OTOG: variants seen among roughly 807,000 people sequenced by gnomAD.
OTOG encodes otogelin.
A neutral mutation model predicts 313.8 loss-of-function variants in OTOG; 296 were observed. The observed-to-expected ratio is 0.94, with a 90% CI of 0.86 to 1.04. OTOG has a LOEUF of 1.04. Among genes scored for constraint, OTOG ranks in the 50% least tolerant of loss-of-function variants. The probability of loss-of-function intolerance (pLI) is 0.00; values close to 1 mark genes in which losing one functional copy is unlikely to be tolerated. For missense variants in OTOG, 3,948 were observed against 3,840.1 expected (o/e 1.03, Z -0.74); for synonymous variants, 1,533 against 1,554.9 (o/e 0.99, Z 0.33).
At chr11:17,623,105 T>C (rs1853904053) in intron 39 of OTOG, among the ~76,000 whole-genome samples, 1 of 152,200 alleles carries the variant, frequency 6.6e-6, no homozygotes, top group South Asian at 2.1e-4. Context: ...TGTAAGAACA[T>C]TTTCATATGC....
intron 38 of OTOG, 87 bp from the exon 39 acceptor site, chr11:17,613,525 A>C: frequency 9.0e-7 from 1 of 1,107,676 alleles, no homozygotes; most frequent in South Asian, 1.4e-5. Context: ...GTCAGGGGAG[A>C]CTGTACTCAC....
rs568187725 is a variant in OTOG at position 17,561,653 on chromosome 11, A to C, written c.1499-9A>C. 6.5e-7 allele frequency: 1 copy of C among 1,549,672 alleles called. No homozygotes were observed. The highest frequency in any genetic ancestry group is 1.4e-5 in the African/African-American group (1 of 72,880). ...TCCCATGGGTCAGTGGCCTTTTTCT[A>C]CCTCTCAGCTGAGTGCTCAGTGACT... On this transcript the variant is annotated splice_polypyrimidine_tract_variant and intron_variant, in intron 14 of 55. Transcript: ENST00000399397.
intron 7 of OTOG, among the ~76,000 whole-genome samples, chr11:17,556,863 T>C (rs1218073302): frequency 6.6e-6 from 1 of 152,216 alleles, no homozygotes; most frequent in African/African-American, 2.4e-5. Flanking sequence ...CTATCCTGTC[T>C]GGGAGAAAGG....
At chr11:17,635,560 G>A (rs2133710641) in intron 46 of OTOG, 50 bp from the exon 47 acceptor site, 2 of 1,439,670 alleles carry the variant, frequency 1.4e-6, no homozygotes, top group Non-Finnish European at 1.9e-6. Context: ...CTGTGTGCCA[G>A]GCCCCTATGA....
chr11:17,560,887 C>A, intron 13 of OTOG, 70 bp downstream of exon 13: 1 of 1,354,964 alleles, frequency 7.4e-7, no homozygotes, highest in South Asian at 1.3e-5. Flanking sequence ...GGCTGCCCAT[C>A]TGGGAGCACT....
intron 17 of OTOG, chr11:17,570,738 G>C (rs922455801): frequency 5.1e-6 from 1 of 196,002 alleles, no homozygotes; most frequent in Non-Finnish European, 1.0e-5. Context: ...TTTAGAATGA[G>C]GTCTTAAAAC....
At chr11:17,612,878 C>A in intron 38 of OTOG, 113 bp downstream of exon 38, 3 of 1,267,076 alleles carry the variant, frequency 2.4e-6, no homozygotes, top group Admixed American at 5.2e-5. Context: ...TGGAAGCCCC[C>A]CTGAGCTCCC....
intron 42 of OTOG, 88 bp downstream of exon 42, chr11:17,632,314 A>G: frequency 2.9e-6 from 4 of 1,362,064 alleles, no homozygotes; most frequent in African/African-American, 1.4e-5. Flanking sequence ...CCCCAAGTTC[A>G]TGTATGCTTT....
At position 17,570,408 on chromosome 11, in the gene OTOG, G is replaced by A. The variant is rs1051034737; in HGVS notation, c.1955+18G>A. On this transcript the variant is annotated intron_variant, in intron 17 of 55. Coordinates refer to ENST00000399397, the MANE Select transcript of OTOG (RefSeq NM_001292063.2). ...GACTTCCTGTACGTAGCCCTGCCAC[G>A]GAACCCGAAGAAGAGGGGAAATGGG... 7 of 1,549,082 alleles carry A rather than the reference G, an allele frequency of 4.5e-6. No homozygotes were observed. The highest frequency in any genetic ancestry group is 2.7e-5 in the African/African-American group (2 of 73,014).
intron 15 of OTOG, 129 bp from the exon 16 acceptor site, chr11:17,569,027 G>C: frequency 1.8e-6 from 2 of 1,108,632 alleles, no homozygotes; most frequent in Middle Eastern, 6.0e-4. Context: ...GATATCTTTG[G>C]GGCTCTGTCT....
intron 39 of OTOG, among the ~76,000 whole-genome samples, chr11:17,625,160 C>T (rs1853954038): frequency 6.6e-6 from 1 of 152,118 alleles, no homozygotes; most frequent in Admixed American, 6.6e-5. Context: ...CTTTCTCTTG[C>T]CTGATTGCTC....
At chr11:17,611,530 T>C (rs981996029) in intron 36 of OTOG, 107 bp downstream of exon 36, 1 of 1,174,324 alleles carries the variant, frequency 8.5e-7, no homozygotes, top group Admixed American at 2.9e-5. Flanking sequence ...ACCTGCCCCA[T>C]GCTCCTGGTC....
At chr11:17,635,579 CT>C in intron 46 of OTOG, 30 bp from the exon 47 acceptor site, 1 of 1,516,746 alleles carries the variant, frequency 6.6e-7, no homozygotes, top group Non-Finnish European at 9.0e-7. Flanking sequence ...GAGAGGACTG[CT>C]GTGACAGCAT....
intron 39 of OTOG, among the ~76,000 whole-genome samples, chr11:17,621,614 C>G (rs1022205550): frequency 2.0e-5 from 3 of 152,160 alleles, no homozygotes; most frequent in African/African-American, 7.2e-5. Flanking sequence ...CTCTCTCTCT[C>G]TGTCTGCCAT....
rs1247741682 is a variant in OTOG, at chr11:17,605,900, C to A, written c.3921C>A (p.Phe1307Leu). The A allele has an allele frequency of 6.5e-7, 1 of 1,549,998 alleles. No homozygotes were observed. Among genetic ancestry groups the A allele is most frequent in the African/African-American group, 1.4e-5 (1 of 73,042 alleles). ...TGGAGGCAGCAGACAGACCCAACTTCTTCCTTCACGTCACAGCCAACGGGT... is the reference window on the plus strand; with the variant it reads ...TGGAGGCAGCAGACAGACCCAACTTATTCCTTCACGTCACAGCCAACGGGT... ...VSLEAADRPN[F>L]FLHVTANGSL... Residue 1307 changes from phenylalanine to leucine, a missense_variant, in exon 33 of 56, where the codon TTC (phenylalanine) becomes TTA (leucine). Phe to Leu is a conservative substitution (Grantham distance 22, BLOSUM62 0). Transcript: ENST00000399397.
chr11:17,617,669 A>G (rs1470167059), intron 39 of OTOG, among the ~76,000 whole-genome samples: 1 of 152,122 alleles, frequency 6.6e-6, no homozygotes, highest in Non-Finnish European at 1.5e-5. Flanking sequence ...CTAATTCCTG[A>G]CATTAGTTAT....
chr11:17,596,733 G>A (rs1853118907), intron 29 of OTOG, 118 bp from the exon 30 acceptor site: 2 of 874,622 alleles, frequency 2.3e-6, no homozygotes, highest in Non-Finnish European at 3.6e-6. Flanking sequence ...TCATGAGACA[G>A]GATAGCTCAC....
chr11:17,560,593 G>A (rs887487776), intron 12 of OTOG, 116 bp from the exon 13 acceptor site: 19 of 731,434 alleles, frequency 2.6e-5, no homozygotes, highest in Middle Eastern at 2.4e-4. Flanking sequence ...TTTGGAAGTC[G>A]GTTCAGAGAT....
At chr11:17,607,286 C>T (rs1170238545) in intron 33 of OTOG, among the ~76,000 whole-genome samples, 3 of 152,332 alleles carry the variant, frequency 2.0e-5, no homozygotes, top group Middle Eastern at 3.4e-3. Flanking sequence ...GGGGATGCTC[C>T]CTGGAGCCTG....
Sources: gnomAD v4.1 joint callset for allele counts (sites outside exome capture counted in the v4.1 genomes callset) on GRCh38, gnomAD v4.1.1 for gene constraint, MANE v1.5 for transcripts, NCBI Gene and HGNC (gene_info 2026-07-23, HGNC 2026-07-21) for gene names.